VTA1: variants seen among roughly 807,000 people sequenced by gnomAD.
VTA1 encodes vacuolar protein sorting-associated protein VTA1 homolog.
VTA1 carries 24 observed loss-of-function variants against 36.9 expected under a neutral mutation model. The ratio of observed to expected loss-of-function variants is 0.65; its 90% confidence interval spans 0.47 to 0.91. VTA1 has a LOEUF of 0.91. Ranked by LOEUF, VTA1 falls within the 40% of genes least tolerant of loss-of-function variation. The pLI, the probability that VTA1 is intolerant of heterozygous loss-of-function variation, is 0.00. For synonymous variants in VTA1, 142 were observed against 130.2 expected, an observed-to-expected ratio of 1.09 and a Z score of -0.62; for missense variants, 393 against 377.2, an observed-to-expected ratio of 1.04 and a Z score of -0.35.
Position 142,218,513 on chromosome 6 carries a change from C to A in VTA1, c.794C>A (p.Thr265Asn), listed in dbSNP as rs750288252. The change falls in exon 8 of 8, where the codon ACC (threonine) becomes AAC (asparagine). Residue 265 changes from threonine (T) to asparagine (N), a missense_variant. By Grantham distance (65) the Thr-to-Asn change is moderately conservative (BLOSUM62 0). Coordinates refer to ENST00000367630, the MANE Select transcript of VTA1 (RefSeq NM_016485.5). ...NTISQGDVRLTPEDFARAQKY... is the reference protein window; with the variant it reads ...NTISQGDVRLNPEDFARAQKY... ...TTTCTTCTAGGGGATGTTCGTCTAA[C>A]CCCAGAAGACTTTGCTAGAGCTCAG... The A allele has an allele frequency of 5.0e-6, 8 of 1,613,076 alleles. No individual in the cohort carries two copies. In the South Asian group the frequency reaches 8.8e-5, roughly 18 times the overall value.
chr6:142,163,395 G>A (rs527715422), intron 1 of VTA1, among the ~76,000 whole-genome samples: 2 of 152,166 alleles, frequency 1.3e-5, no homozygotes, highest in Non-Finnish European at 2.9e-5. Context: ...CTATTTCTGG[G>A]AATATAATAT....
In VTA1 at chr6:142,220,720, A is replaced by C. The variant is rs1324696565; in HGVS notation, c.*2077A>C. On this transcript the variant is annotated 3_prime_UTR_variant, in exon 8 of 8. Transcript: ENST00000367630. ...ACTATACAATGTTTGTTAACTTTGT[A>C]TTTGTATTTTTTCCTATAAAATCTT... 6.6e-6 allele frequency: 1 copy of C among 152,092 alleles called. No homozygotes were observed. Among genetic ancestry groups the C allele is most frequent in the African/African-American group, 2.4e-5 (1 of 41,430 alleles). The allele number at this position is 152,092 out of a possible 1,614,324, so 9.4% of individuals were successfully genotyped here.
intron 4 of VTA1, among the ~76,000 whole-genome samples, chr6:142,182,111 C>A (rs1381704858): frequency 6.6e-6 from 1 of 152,122 alleles, no homozygotes; most frequent in Non-Finnish European, 1.5e-5. Context: ...GATTATTAAT[C>A]CCATTTTTAT....
chr6:142,154,111 A>G (rs1778617401), intron 1 of VTA1, among the ~76,000 whole-genome samples: 1 of 152,034 alleles, frequency 6.6e-6, no homozygotes, highest in African/African-American at 2.4e-5. Context: ...AGAATAATTA[A>G]GAATTCCCCT....
At chr6:142,215,420 G>A (rs554653991) in intron 7 of VTA1, among the ~76,000 whole-genome samples, 30 of 143,498 alleles carry the variant, frequency 2.1e-4, no homozygotes, top group East Asian at 6.2e-4. Flanking sequence ...CAGCCTGGGC[G>A]ACAGAGTGAG....
intron 5 of VTA1, among the ~76,000 whole-genome samples, chr6:142,196,289 C>G (rs1331575744): frequency 6.6e-6 from 1 of 152,074 alleles, no homozygotes; most frequent in Non-Finnish European, 1.5e-5. Context: ...TTTATCTCAG[C>G]TAATATTCCT....
At chr6:142,201,135 A>T (rs1225998808) in intron 6 of VTA1, among the ~76,000 whole-genome samples, 1 of 151,876 alleles carries the variant, frequency 6.6e-6, no homozygotes, top group Non-Finnish European at 1.5e-5. Flanking sequence ...ATTTCCCTTT[A>T]AGATTGGTTT....
intron 1 of VTA1, among the ~76,000 whole-genome samples, chr6:142,163,196 T>A (rs1456906699): frequency 2.6e-5 from 4 of 152,124 alleles, no homozygotes; most frequent in Non-Finnish European, 5.9e-5. Flanking sequence ...GGACCCCAGC[T>A]GATTGCAGTT....
intron 5 of VTA1, among the ~76,000 whole-genome samples, chr6:142,191,432 TTTGA>T (rs1438967504): frequency 1.3e-5 from 2 of 152,156 alleles, no homozygotes; most frequent in African/African-American, 4.8e-5. Flanking sequence ...AAGTGTGCAT[TTTGA>T]TTATCACGTT....
intron 1 of VTA1, among the ~76,000 whole-genome samples, chr6:142,159,742 T>C (rs1400848071): frequency 6.6e-6 from 1 of 151,876 alleles, no homozygotes; most frequent in Non-Finnish European, 1.5e-5. Flanking sequence ...CTCGATCTCC[T>C]GATCTCATGA....
intron 4 of VTA1, among the ~76,000 whole-genome samples, chr6:142,177,455 G>A (rs1775146967): frequency 6.6e-6 from 1 of 152,000 alleles, no homozygotes; most frequent in Admixed American, 6.6e-5. Context: ...TATATGTAAA[G>A]CCTTTAGCAA....
chr6:142,165,681 A>T (rs553700137), intron 1 of VTA1, among the ~76,000 whole-genome samples: 3 of 152,194 alleles, frequency 2.0e-5, no homozygotes, highest in Non-Finnish European at 2.9e-5. Context: ...TGGGAAAGCT[A>T]CTGAAATTGT....
chr6:142,217,901 A>C (rs1313192262), intron 7 of VTA1, among the ~76,000 whole-genome samples: 1 of 152,050 alleles, frequency 6.6e-6, no homozygotes, highest in African/African-American at 2.4e-5. Flanking sequence ...CATGTTAATC[A>C]TATGTATAAC....
intron 4 of VTA1, among the ~76,000 whole-genome samples, chr6:142,183,219 TGGA>T (rs1174667600): frequency 6.6e-6 from 1 of 152,140 alleles, no homozygotes; most frequent in Non-Finnish European, 1.5e-5. Flanking sequence ...CAGTGACTGG[TGGA>T]GATTAAAAAC....
chr6:142,163,766 A>G (rs1319348711), intron 1 of VTA1, among the ~76,000 whole-genome samples: 1 of 152,154 alleles, frequency 6.6e-6, no homozygotes, highest in Non-Finnish European at 1.5e-5. Context: ...AGGATGCCAT[A>G]AAGCAGCAAG....
chr6:142,198,119 ATGTGTG>A (rs71021658), intron 5 of VTA1, among the ~76,000 whole-genome samples: 2,683 of 98,196 alleles, frequency 0.027, 90 homozygotes, highest in African/African-American at 0.075. Context: ...ATATATATAT[ATGTGTG>A]TGTGTGTGTG....
chr6:142,213,633 A>C lies in VTA1; in HGVS notation c.779-4865A>C, dbSNP rs374117428. On this transcript the variant is annotated intron_variant, in intron 7 of 7. Coordinates refer to ENST00000367630, the MANE Select transcript of VTA1 (RefSeq NM_016485.5). ...TGCCTAGACATCTGGGCATTTCCAT[A>C]CATTCTTTGAAATCTAGGCAGAGAT... 2.2e-4 allele frequency among the ~76,000 whole-genome samples: 33 copies of C among 152,312 alleles called. No individual in the cohort carries two copies. The East Asian group carries it at 4.8e-3, about 22-fold the overall frequency.
intron 1 of VTA1, among the ~76,000 whole-genome samples, chr6:142,161,041 T>A (rs915155838): frequency 6.6e-6 from 1 of 151,750 alleles, no homozygotes; most frequent in Non-Finnish European, 1.5e-5. Context: ...GAAGTAAGTA[T>A]TCTTTATTAG....
intron 5 of VTA1, among the ~76,000 whole-genome samples, chr6:142,189,902 G>A (rs1009576636): frequency 3.9e-5 from 6 of 151,992 alleles, no homozygotes; most frequent in African/African-American, 1.2e-4. Context: ...GACTACAGGC[G>A]CCTGCCACCA....
Sources: allele counts gnomAD v4.1 joint callset (sites outside exome capture counted in the v4.1 genomes callset), GRCh38; gene constraint gnomAD v4.1.1; transcripts MANE v1.5; gene names NCBI Gene and HGNC (gene_info 2026-07-23, HGNC 2026-07-21).